Variants in CLCN3 observed in about 807,000 individuals in gnomAD.
CLCN3 encodes H(+)/Cl(-) exchange transporter 3.
Under a neutral mutation model 83.4 loss-of-function variants are expected in CLCN3, and 16 were observed. The observed-to-expected ratio is 0.19, with a 90% CI of 0.13 to 0.29. The LOEUF (loss-of-function observed/expected upper bound fraction) is 0.29, where lower values mean the gene tolerates loss of function less well. Among genes scored for constraint, CLCN3 ranks in the 10% least tolerant of loss-of-function variants. The pLI is 1.00. For missense variants in CLCN3, 544 were observed against 1,006.0 expected, an observed-to-expected ratio of 0.54 and a Z score of 6.21; for synonymous variants, 322 against 346.2, an observed-to-expected ratio of 0.93 and a Z score of 0.78.
chr4:169,621,284 T>G (rs1773106461), intron 1 of CLCN3, among the ~76,000 whole-genome samples: 1 of 152,234 alleles, frequency 6.6e-6, no homozygotes, highest in Non-Finnish European at 1.5e-5. Flanking sequence ...TCGAAGGACC[T>G]CTGAATAAAA....
chr4:169,624,308 C>T (rs1326922528), intron 1 of CLCN3, among the ~76,000 whole-genome samples: 1 of 152,038 alleles, frequency 6.6e-6, no homozygotes, highest in East Asian at 1.9e-4. Flanking sequence ...TAATTTTTGT[C>T]TTTTTAGCAG....
chr4:169,715,839 TGTCTAA>T (rs1733403945), intron 12 of CLCN3, among the ~76,000 whole-genome samples: 1 of 151,950 alleles, frequency 6.6e-6, no homozygotes, highest in Admixed American at 6.6e-5. Context: ...ATTTTGTGAC[TGTCTAA>T]GTTTGGAAAG....
chr4:169,663,323 G>T (rs199908016), intron 2 of CLCN3, among the ~76,000 whole-genome samples: 5 of 87,150 alleles, frequency 5.7e-5, no homozygotes, highest in African/African-American at 2.1e-4. Context: ...TTTTGTTGTT[G>T]TTGTTGTTGT....
chr4:169,622,076 C>G (rs188176608), intron 1 of CLCN3, among the ~76,000 whole-genome samples: 16 of 152,338 alleles, frequency 1.1e-4, no homozygotes, highest in Non-Finnish European at 1.8e-4. Context: ...GAATTCATCA[C>G]AGATTGCATA....
intron 10 of CLCN3, among the ~76,000 whole-genome samples, chr4:169,705,240 C>T (rs17055093): frequency 0.092 from 13,994 of 151,966 alleles, 678 homozygotes; most frequent in African/African-American, 0.12. Flanking sequence ...GACAAAGGAA[C>T]GAGGATGGGA....
At chr4:169,641,438 A>G (rs916883715) in intron 2 of CLCN3, among the ~76,000 whole-genome samples, 6 of 152,192 alleles carry the variant, frequency 3.9e-5, no homozygotes, top group Non-Finnish European at 8.8e-5. Flanking sequence ...CAGAAACCAC[A>G]TAGTAGACGA....
intron 2 of CLCN3, among the ~76,000 whole-genome samples, chr4:169,658,972 ATT>A (rs1276665592): frequency 2.0e-5 from 3 of 152,052 alleles, no homozygotes; most frequent in Admixed American, 6.6e-5. Flanking sequence ...ATTGAAGAGA[ATT>A]TCTCTCTTCT....
chr4:169,624,488 C>CA (rs112117184), intron 1 of CLCN3, among the ~76,000 whole-genome samples: 5 of 152,076 alleles, frequency 3.3e-5, no homozygotes, highest in African/African-American at 1.2e-4. Context: ...AGACTGGTCT[C>CA]AAACTCCTGA....
At chr4:169,682,972 C>T (rs1732004508) in intron 3 of CLCN3, among the ~76,000 whole-genome samples, 3 of 152,132 alleles carry the variant, frequency 2.0e-5, no homozygotes, top group Non-Finnish European at 2.9e-5. Flanking sequence ...CTCCAAGGTG[C>T]CAGTAGACCG....
At chr4:169,637,543 C>G (rs1730253390) in intron 2 of CLCN3, among the ~76,000 whole-genome samples, 1 of 151,956 alleles carries the variant, frequency 6.6e-6, no homozygotes. Context: ...TGCACTCCTG[C>G]TAGGCACCAG....
intron 2 of CLCN3, among the ~76,000 whole-genome samples, chr4:169,650,365 A>G (rs1183178186): frequency 6.6e-6 from 1 of 152,196 alleles, no homozygotes; most frequent in Non-Finnish European, 1.5e-5. Flanking sequence ...TGGCTTTGCT[A>G]CAGAGTTTCA....
chr4:169,678,986 G>C (rs879547051), intron 2 of CLCN3, among the ~76,000 whole-genome samples: 1 of 151,668 alleles, frequency 6.6e-6, no homozygotes, highest in Non-Finnish European at 1.5e-5. Flanking sequence ...CACACTGGGC[G>C]GCCGGGCGGA....
At chr4:169,692,372 T>A (rs1477368593) in intron 7 of CLCN3, 52 bp downstream of exon 7, 1 of 787,720 alleles carries the variant, frequency 1.3e-6, no homozygotes, top group Non-Finnish European at 1.9e-6. Flanking sequence ...TATATAGTAT[T>A]TATTTAAGTA....
intron 2 of CLCN3, among the ~76,000 whole-genome samples, chr4:169,677,756 T>C (rs915241440): frequency 2.2e-4 from 34 of 152,256 alleles, no homozygotes; most frequent in African/African-American, 8.2e-4. Flanking sequence ...TCTTTCTCCA[T>C]AGCTTTGCTA....
At chr4:169,696,279 G>T (rs1327966032) in intron 8 of CLCN3, among the ~76,000 whole-genome samples, 2 of 152,016 alleles carry the variant, frequency 1.3e-5, no homozygotes, top group African/African-American at 4.8e-5. Context: ...TTTCCCATGT[G>T]ATTATTTCTG....
chr4:169,721,036 A>G lies in CLCN3; in HGVS notation c.*1039A>G, dbSNP rs1733622892. 1 of 152,496 alleles carries G rather than the reference A, an allele frequency of 6.6e-6. No individual in the cohort carries two copies. The highest frequency in any genetic ancestry group is 1.9e-4 in the East Asian group (1 of 5,200). 9.4% of individuals were successfully genotyped at this position (152,496 alleles called of 1,614,324 possible). A position where few individuals can be genotyped will look rare whatever the true frequency, so the allele number is the denominator to read the frequency against. On this transcript the variant is annotated 3_prime_UTR_variant, in exon 13 of 13. Coordinates refer to ENST00000513761, the MANE Select transcript of CLCN3 (RefSeq NM_001829.4). ...CTGTATCTGGTATTAATTGCATGTT[A>G]AAACACTGGAATTTTTAAAATTGAA...
At chr4:169,683,686 ATTTT>A (rs1319858381) in intron 3 of CLCN3, among the ~76,000 whole-genome samples, 1 of 151,826 alleles carries the variant, frequency 6.6e-6, no homozygotes. Flanking sequence ...TATGAACAAG[ATTTT>A]TTAAAGCTGG....
At position 169,663,828 on chromosome 4, in the gene CLCN3, G is replaced by GT. The variant is rs146135088; in HGVS notation, c.161-16221dup. The stretch of plus-strand genomic sequence containing the variant: ...GAGGCTAAACTGCTTCTCTCTACAC[G>GT]TATCTTCATAGTAACTTGTGTTTTA... On this transcript the variant is annotated intron_variant, in intron 2 of 12. Coordinates refer to ENST00000513761, the MANE Select transcript of CLCN3 (RefSeq NM_001829.4). Among the ~76,000 whole-genome samples, 636 of 152,282 alleles carry GT rather than the reference G, an allele frequency of 4.2e-3. 7 individuals are homozygous for GT. The highest frequency in any genetic ancestry group is 0.036 in the South Asian group (173 of 4,828).
chr4:169,700,812 C>T (rs1732757132), intron 9 of CLCN3, among the ~76,000 whole-genome samples: 1 of 152,102 alleles, frequency 6.6e-6, no homozygotes, highest in Non-Finnish European at 1.5e-5. Context: ...CTTATGTGTA[C>T]AATAGCATTA....
Sources: gnomAD v4.1 joint callset for allele counts (sites outside exome capture counted in the v4.1 genomes callset) on GRCh38, gnomAD v4.1.1 for gene constraint, MANE v1.5 for transcripts, NCBI Gene and HGNC (gene_info 2026-07-23, HGNC 2026-07-21) for gene names.